TBCD: variants seen among roughly 807,000 people sequenced by gnomAD.
TBCD encodes tubulin-specific chaperone D.
A neutral mutation model predicts 169.3 loss-of-function variants in TBCD; 105 were observed. That is an observed-to-expected ratio of 0.62 (90% CI 0.53 to 0.73). TBCD has a LOEUF of 0.73. Among genes scored for constraint, TBCD ranks in the 30% least tolerant of loss-of-function variants. TBCD has a pLI of 0.00. For synonymous variants in TBCD, 700 were observed against 643.9 expected, an observed-to-expected ratio of 1.09 and a Z score of -1.32; for missense variants, 1,444 against 1,600.1, an observed-to-expected ratio of 0.90 and a Z score of 1.66.
chr17:82,870,106 C>A (rs892158873), intron 13 of TBCD, 118 bp from the exon 14 acceptor site: 3 of 1,393,438 alleles, frequency 2.2e-6, no homozygotes, highest in Non-Finnish European at 3.0e-6. Context: ...GTGTCGCTTG[C>A]GTGCCTCACT....
intron 2 of TBCD, among the ~76,000 whole-genome samples, chr17:82,761,959 C>A (rs1055728533): frequency 2.9e-4 from 43 of 150,604 alleles, no homozygotes; most frequent in African/African-American, 1.0e-3. Flanking sequence ...GATCTCCTGA[C>A]CTCGTGATCC....
chr17:82,816,212 AG>A (rs1567827377), intron 13 of TBCD, among the ~76,000 whole-genome samples: 1 of 152,088 alleles, frequency 6.6e-6, no homozygotes. Flanking sequence ...TAGCCTGTGG[AG>A]TGCCTCCTTC....
chr17:82,907,902 G>A (rs1443682042), intron 21 of TBCD, 81 bp downstream of exon 21: 4 of 1,482,574 alleles, frequency 2.7e-6, no homozygotes, highest in Non-Finnish European at 2.8e-6. Flanking sequence ...TCCCCAGGCA[G>A]GGTCTGCAGT....
chr17:82,754,930 C>G (rs909984593), intron 1 of TBCD, among the ~76,000 whole-genome samples: 7 of 152,174 alleles, frequency 4.6e-5, no homozygotes, highest in African/African-American at 1.7e-4. Flanking sequence ...GTATCTGAGA[C>G]GAGTCTCAAT....
chr17:82,873,662 C>T (rs1254379190), intron 14 of TBCD, among the ~76,000 whole-genome samples: 2 of 152,194 alleles, frequency 1.3e-5, no homozygotes, highest in African/African-American at 2.4e-5. Flanking sequence ...TGTCATCGTT[C>T]CAGAGTAAAA....
intron 17 of TBCD, among the ~76,000 whole-genome samples, chr17:82,898,910 G>A (rs184382931): frequency 4.8e-4 from 51 of 105,866 alleles, no homozygotes; most frequent in Non-Finnish European, 9.4e-4. Flanking sequence ...GTCCACCTGC[G>A]TCACCTGCAT....
chr17:82,817,797 G>C (rs184335145), intron 13 of TBCD, among the ~76,000 whole-genome samples: 6 of 152,304 alleles, frequency 3.9e-5, no homozygotes, highest in Admixed American at 3.9e-4. Flanking sequence ...ATTAAGTCCA[G>C]CTCATCAGTC....
rs531500340 is a variant in TBCD, at chr17:82,805,493, C to T, written c.951-382C>T. On this transcript the variant is annotated intron_variant, in intron 9 of 38. Coordinates refer to ENST00000355528, the MANE Select transcript of TBCD (RefSeq NM_005993.5). ...ATGAAGGGGCGGTGTGTGGCCTGGG[C>T]GGTGGCAGTGGTGGCCGTTCAGGAA... Among the ~76,000 whole-genome samples the T allele has an allele frequency of 1.8e-3, 274 of 152,220 alleles. 2 individuals are homozygous for T. Among genetic ancestry groups the T allele is most frequent in the South Asian group, 0.012 (60 of 4,812 alleles).
chr17:82,894,313 GACT>G (rs1189313948), intron 17 of TBCD, among the ~76,000 whole-genome samples: 1 of 152,142 alleles, frequency 6.6e-6, no homozygotes, highest in Non-Finnish European at 1.5e-5. Flanking sequence ...AAAAGGGTGT[GACT>G]TTATTTATTT....
At chr17:82,909,224 A>G (rs1264336165) in intron 21 of TBCD, 61 bp from the exon 22 acceptor site, 1 of 1,278,230 alleles carries the variant, frequency 7.8e-7, no homozygotes, top group East Asian at 2.6e-5. Flanking sequence ...GACAGTTGTT[A>G]ACGTATACGT....
At chr17:82,799,400 G>A (rs187297335) in intron 8 of TBCD, among the ~76,000 whole-genome samples, 2 of 119,192 alleles carry the variant, frequency 1.7e-5, no homozygotes, top group East Asian at 2.7e-4. Context: ...CTGAGATCGC[G>A]CCACAGCACT....
At chr17:82,788,109 G>A (rs1330512640) in intron 7 of TBCD, among the ~76,000 whole-genome samples, 10 of 152,116 alleles carry the variant, frequency 6.6e-5, no homozygotes, top group East Asian at 1.9e-4. Context: ...ATGGTGGTGC[G>A]CGCCTGTAAT....
At chr17:82,891,894 G>T (rs1040004839) in intron 16 of TBCD, among the ~76,000 whole-genome samples, 2 of 152,138 alleles carry the variant, frequency 1.3e-5, no homozygotes, top group Non-Finnish European at 2.9e-5. Flanking sequence ...AGCAGGTTGT[G>T]ACTAACCCAT....
rs1271806255 is a variant in TBCD at position 82,903,664 on chromosome 17, C to T, written c.1804+186C>T. Among the ~76,000 whole-genome samples the T allele has an allele frequency of 3.9e-5, 6 of 152,308 alleles. No individual in the cohort carries two copies. Among genetic ancestry groups the T allele is most frequent in the Middle Eastern group, 3.4e-3 (1 of 294 alleles). On this transcript the variant is annotated intron_variant, in intron 19 of 38. Transcript: ENST00000355528. This position sits in a 1 kb window ranked among gnomAD's most constrained non-coding sequence, Gnocchi z 4.8. ...TGAGGACGGATGCGGTGAGTGTGTC[C>T]GCCTGCAGGGCAGGGAGCCGCTGAA...
chr17:82,852,096 G>A (rs1169265130), intron 13 of TBCD, among the ~76,000 whole-genome samples: 1 of 152,088 alleles, frequency 6.6e-6, no homozygotes, highest in East Asian at 1.9e-4. Flanking sequence ...ACAGTCAGTT[G>A]TAGAACATTT....
chr17:82,892,968 C>G (rs1169286998), intron 16 of TBCD: 1 of 152,222 alleles, frequency 6.6e-6, no homozygotes, highest in Non-Finnish European at 1.5e-5. Flanking sequence ...TGCTGGTCCT[C>G]GATGCTTCTG....
Position 82,927,330 on chromosome 17 carries a change from A to T in TBCD, c.2609+7A>T, listed in dbSNP as rs772157685. 9 of 1,613,014 alleles carry T rather than the reference A, an allele frequency of 5.6e-6. 1 individual carries two copies. The South Asian group carries it at 9.9e-5, about 18-fold the overall frequency. On this transcript the variant is annotated splice_region_variant and intron_variant, in intron 29 of 38. Coordinates refer to ENST00000355528, the MANE Select transcript of TBCD (RefSeq NM_005993.5). ...GAGGGGACGTGGGCACCTGGTACGTACGTAGCAGTGGGTGAGCGCTTCTTC... is the reference window on the plus strand; with the variant it reads ...GAGGGGACGTGGGCACCTGGTACGTTCGTAGCAGTGGGTGAGCGCTTCTTC...
In TBCD at chr17:82,880,469, C is replaced by T. The variant is rs1400588641; in HGVS notation, c.1476-3676C>T. 2.6e-5 allele frequency among the ~76,000 whole-genome samples: 4 copies of T among 152,230 alleles called. No homozygotes were observed. The highest frequency in any genetic ancestry group is 4.4e-5 in the Non-Finnish European group (3 of 68,046). ...CTTATCTTTGGGAGTGGGTATTATT[C>T]TGCTGAAGACAAGGGTGGGGACAGA... is the stretch of plus-strand genomic sequence containing the variant. On this transcript the variant is annotated intron_variant, in intron 14 of 38. Transcript: ENST00000355528. This position sits in a 1 kb window ranked among gnomAD's most constrained non-coding sequence, Gnocchi z 5.0.
chr17:82,773,217 A>G (rs1485163225), intron 6 of TBCD, among the ~76,000 whole-genome samples: 1 of 152,234 alleles, frequency 6.6e-6, no homozygotes, highest in Non-Finnish European at 1.5e-5. Context: ...TCAGTGCCTC[A>G]TGCAGCGTCA....
Sources: gnomAD v4.1 joint callset for allele counts (sites outside exome capture counted in the v4.1 genomes callset) on GRCh38, gnomAD v4.1.1 for gene constraint, Gnocchi (gnomAD v3.1) non-coding constraint, MANE v1.5 for transcripts, NCBI Gene and HGNC (gene_info 2026-07-23, HGNC 2026-07-21) for gene names.